Variants in TAF1 observed in about 807,000 individuals in gnomAD.
The protein encoded by TAF1 is transcription initiation factor TFIID subunit 1.
In TAF1, 2 loss-of-function variants were observed where a neutral mutation model predicts 138.5. That is an observed-to-expected ratio of 0.01 (90% CI 0.01 to 0.05). The LOEUF (loss-of-function observed/expected upper bound fraction) is 0.05, where lower values mean the gene tolerates loss of function less well. Among genes scored for constraint, TAF1 ranks in the 10% least tolerant of loss-of-function variants. The probability of loss-of-function intolerance (pLI) is 1.00; values close to 1 mark genes in which losing one functional copy is unlikely to be tolerated. For missense variants in TAF1, 709 were observed against 1,478.0 expected (o/e 0.48, Z 8.53); for synonymous variants, 437 against 503.2 (o/e 0.87, Z 1.76).
At chrX:71,457,766 A>G (rs2038370865) in intron 34 of TAF1, among the ~76,000 whole-genome samples, 2 of 112,464 alleles carry the variant, frequency 1.8e-5, no homozygotes, top group South Asian at 3.7e-4. Context: ...TCCAAGGCCT[A>G]TGATTTTTCA....
rs372235531 is a variant in TAF1, at chrX:71,368,009, G to A, written c.236-45G>A. 3 of 1,141,942 alleles carry A rather than the reference G, an allele frequency of 2.6e-6. No individual in the cohort carries two copies. In the African/African-American group the frequency reaches 5.4e-5, roughly 20 times the overall value. The allele number at this position is 1,141,942 out of a possible 1,213,427, so 94.1% of individuals were successfully genotyped here. A position where few individuals can be genotyped will look rare whatever the true frequency, so the allele number is the denominator to read the frequency against. On this transcript the variant is annotated intron_variant, in intron 2 of 37. Coordinates refer to ENST00000423759, the MANE Select transcript of TAF1 (RefSeq NM_004606.5). ...TTAAATGGGAATTATCTGAGGGAGT[G>A]AGGGTCGCTTACTGTTGTTGCGATT...
Position 71,514,529 on chromosome X carries a change from C to T in TAF1, c.1367-14013C>T, listed in dbSNP as rs747093377. Among the ~76,000 whole-genome samples, 5 of 106,093 alleles carry T rather than the reference C, an allele frequency of 4.7e-5. No individual in the cohort carries two copies. In the South Asian group the frequency reaches 1.3e-3, roughly 27 times the overall value. 92.1% of individuals were successfully genotyped at this position (106,093 alleles called of 115,157 possible). On this transcript the variant is annotated intron_variant and NMD_transcript_variant, in intron 13 of 14. Transcript: ENST00000373775. ...GCCTGAGGGAGCAGAAAGGAGAGGG[C>T]GCTGTGGTTCATATGAAACACTGGG... is the stretch of plus-strand genomic sequence containing the variant.
intron 32 of TAF1, among the ~76,000 whole-genome samples, chrX:71,436,264 G>T (rs2037137308): frequency 2.0e-5 from 2 of 98,531 alleles, no homozygotes; most frequent in East Asian, 3.1e-4. Flanking sequence ...CACCCAGGCT[G>T]GAGTGCAGTG....
chrX:71,419,778 G>T (rs2036231824), intron 28 of TAF1, among the ~76,000 whole-genome samples: 1 of 110,949 alleles, frequency 9.0e-6, no homozygotes, highest in Non-Finnish European at 1.9e-5. Context: ...GCCCCCAGGG[G>T]GGTGAAATGG....
At chrX:71,497,333 CAT>C (rs1305018169) in intron 13 of TAF1, among the ~76,000 whole-genome samples, 7 of 111,460 alleles carry the variant, frequency 6.3e-5, no homozygotes, top group Non-Finnish European at 1.1e-4. Flanking sequence ...TAGGGCCACA[CAT>C]GTGAGTATTT....
intron 32 of TAF1, among the ~76,000 whole-genome samples, chrX:71,434,437 G>T (rs746087930): frequency 9.0e-6 from 1 of 111,720 alleles, no homozygotes; most frequent in Non-Finnish European, 1.9e-5. Context: ...TACTGCATAT[G>T]AGCATATTTC....
intron 13 of TAF1, among the ~76,000 whole-genome samples, chrX:71,487,641 A>T (rs2039198364): frequency 8.9e-6 from 1 of 112,182 alleles, no homozygotes; most frequent in South Asian, 3.6e-4. Flanking sequence ...AATATTTTTT[A>T]AAAACTTAGA....
At chrX:71,397,553 G>C in intron 23 of TAF1, 87 bp downstream of exon 23, 1 of 1,049,490 alleles carries the variant, frequency 9.5e-7, no homozygotes, top group Non-Finnish European at 1.3e-6. Flanking sequence ...CGTGATCTTG[G>C]CTCATTGCAA....
intron 28 of TAF1, chrX:71,420,137 G>A: frequency 2.0e-6 from 1 of 501,102 alleles, no homozygotes; most frequent in Non-Finnish European, 3.7e-6. Flanking sequence ...CGTGACCCCG[G>A]GGCCTGCTGT....
chrX:71,434,681 T>C (rs1441792837), intron 32 of TAF1, among the ~76,000 whole-genome samples: 1 of 112,224 alleles, frequency 8.9e-6, no homozygotes, highest in Non-Finnish European at 1.9e-5. Flanking sequence ...TATAGAGTTA[T>C]GCCATTGTAC....
chrX:71,369,480 A>T (rs2032853980), intron 3 of TAF1, among the ~76,000 whole-genome samples: 1 of 112,207 alleles, frequency 8.9e-6, no homozygotes, highest in Non-Finnish European at 1.9e-5. Context: ...AGAACTTTAT[A>T]ATAAAATGTG....
intron 1 of TAF1, among the ~76,000 whole-genome samples, chrX:71,366,916 C>T (rs2032561149): frequency 8.9e-6 from 1 of 111,878 alleles, no homozygotes; most frequent in Non-Finnish European, 1.9e-5. Context: ...TCGTTTGGTT[C>T]CGGCCTCAGG....
At chrX:71,434,781 GC>G (rs2037059106) in intron 32 of TAF1, among the ~76,000 whole-genome samples, 1 of 112,190 alleles carries the variant, frequency 8.9e-6, no homozygotes, top group Non-Finnish European at 1.9e-5. Flanking sequence ...AATCAGGAAA[GC>G]CCACAACTTT....
At chrX:71,437,066 A>G (rs2037180972) in intron 32 of TAF1, among the ~76,000 whole-genome samples, 1 of 111,194 alleles carries the variant, frequency 9.0e-6, no homozygotes. Flanking sequence ...ATTTAATTTG[A>G]TAGTTTTTGT....
chrX:71,516,222 C>T (rs1311305152), intron 13 of TAF1, among the ~76,000 whole-genome samples: 2 of 105,521 alleles, frequency 1.9e-5, no homozygotes, highest in East Asian at 3.0e-4. Context: ...CCACAATGCT[C>T]AGCTGATTTT....
At chrX:71,417,824 T>G (rs1244661188) in intron 28 of TAF1, among the ~76,000 whole-genome samples, 1 of 111,710 alleles carries the variant, frequency 9.0e-6, no homozygotes, top group Non-Finnish European at 1.9e-5. Context: ...AGCTCCTCCA[T>G]AATTCATGGC....
chrX:71,424,853 G>A (rs1208258655), intron 32 of TAF1, among the ~76,000 whole-genome samples: 1 of 111,593 alleles, frequency 9.0e-6, no homozygotes, highest in Non-Finnish European at 1.9e-5. Flanking sequence ...TCGAATTCCT[G>A]ACCTCAGGTG....
chrX:71,430,668 A>G (rs182578018), intron 32 of TAF1, among the ~76,000 whole-genome samples: 2 of 112,152 alleles, frequency 1.8e-5, no homozygotes, highest in Admixed American at 1.9e-4. Flanking sequence ...TATTTAGCTC[A>G]GTTGTTGCCA....
intron 13 of TAF1, among the ~76,000 whole-genome samples, chrX:71,509,364 G>T (rs2039692129): frequency 9.0e-6 from 1 of 111,401 alleles, no homozygotes; most frequent in Admixed American, 9.6e-5. Flanking sequence ...TCAGAATCAA[G>T]AAATGCTTAG....
Sources: gnomAD v4.1 joint callset for allele counts (sites outside exome capture counted in the v4.1 genomes callset) on GRCh38, gnomAD v4.1.1 for gene constraint, MANE v1.5 for transcripts, NCBI Gene and HGNC (gene_info 2026-07-23, HGNC 2026-07-21) for gene names.